Variants in CORIN observed in about 807,000 individuals in gnomAD.
CORIN encodes the protein corin, serine peptidase.
Under a neutral mutation model 125.3 loss-of-function variants are expected in CORIN, and 117 were observed. The observed-to-expected ratio is 0.93, with a 90% CI of 0.80 to 1.09. CORIN has a LOEUF of 1.09. Among genes scored for constraint, CORIN ranks in the 50% least tolerant of loss-of-function variants. The probability of loss-of-function intolerance (pLI) is 0.00; values close to 1 mark genes in which losing one functional copy is unlikely to be tolerated. For missense variants in CORIN, 1,253 were observed against 1,306.7 expected (o/e 0.96, Z 0.63); for synonymous variants, 450 against 466.4 (o/e 0.96, Z 0.45).
At chr4:47,771,723 T>C (rs918082028) in intron 3 of CORIN, among the ~76,000 whole-genome samples, 2 of 152,188 alleles carry the variant, frequency 1.3e-5, no homozygotes, top group Non-Finnish European at 2.9e-5. Context: ...CTTAACTAAC[T>C]GTAAACCAAA....
intron 4 of CORIN, among the ~76,000 whole-genome samples, chr4:47,762,418 ATAAG>A (rs1456585824): frequency 6.6e-6 from 1 of 152,248 alleles, no homozygotes; most frequent in Non-Finnish European, 1.5e-5. Context: ...TTATATGTGA[ATAAG>A]TAATACATGC....
chr4:47,629,856 T>A (rs1722736762), intron 16 of CORIN, among the ~76,000 whole-genome samples: 1 of 152,174 alleles, frequency 6.6e-6, no homozygotes, highest in African/African-American at 2.4e-5. Context: ...GACTTTATAA[T>A]TATTTCCCAT....
chr4:47,748,643 A>G (rs1728768080), intron 4 of CORIN, among the ~76,000 whole-genome samples: 1 of 152,140 alleles, frequency 6.6e-6, no homozygotes, highest in African/African-American at 2.4e-5. Flanking sequence ...TAGAGAATTT[A>G]TCTTCAAATA....
chr4:47,610,352 T>A (rs1444353542), intron 19 of CORIN, among the ~76,000 whole-genome samples: 2 of 152,210 alleles, frequency 1.3e-5, no homozygotes, highest in Admixed American at 1.3e-4. Context: ...TCTGTAATGA[T>A]CAGTGATGTT....
At chr4:47,786,201 C>T (rs1730795478) in intron 3 of CORIN, among the ~76,000 whole-genome samples, 1 of 152,118 alleles carries the variant, frequency 6.6e-6, no homozygotes, top group Admixed American at 6.5e-5. Flanking sequence ...CTTACTCAGT[C>T]CTACCTGAAC....
chr4:47,623,699 T>A lies in CORIN; in HGVS notation c.2412A>T (p.Gly804=). The A allele has an allele frequency of 6.2e-7, 1 of 1,614,196 alleles. No homozygotes were observed. The highest frequency in any genetic ancestry group is 8.5e-7 in the Non-Finnish European group (1 of 1,180,028). The change falls in exon 19 of 22, where the codon GGA becomes GGT. Residue 804 remains glycine, a synonymous_variant. Coordinates refer to ENST00000273857, the MANE Select transcript of CORIN (RefSeq NM_006587.4). ...ACCTTCCAGGGCGACTCGTCCGACC[T>A]CCAAGGATCCTTTTGTTCATTCGGG... ...PAARMNKRIL[G]GRTSRPGRWP...
chr4:47,600,350 GA>G lies in CORIN; in HGVS notation c.2813-4del, dbSNP rs772900157. 7.6e-5 allele frequency: 123 copies of G among 1,608,030 alleles called. No homozygotes were observed. The African/African-American group carries it at 1.3e-3, about 17-fold the overall frequency. ...TCCCTCTTGCAGCTTAAATGGCACT[GA>G]ATTTTTAAAAAATAAGAATATATAT... is the stretch of plus-strand genomic sequence containing the variant. On this transcript the variant is annotated splice_region_variant and splice_polypyrimidine_tract_variant and intron_variant, in intron 20 of 21. Coordinates refer to ENST00000273857, the MANE Select transcript of CORIN (RefSeq NM_006587.4).
chr4:47,667,949 AAGGGTAC>A (rs1457192949), intron 10 of CORIN, among the ~76,000 whole-genome samples: 1 of 152,114 alleles, frequency 6.6e-6, no homozygotes, highest in African/African-American at 2.4e-5. Flanking sequence ...ATTGAGTTAT[AAGGGTAC>A]AGCCCCCAAG....
chr4:47,766,224 T>C (rs3924200), intron 3 of CORIN, among the ~76,000 whole-genome samples: 8,688 of 152,260 alleles, frequency 0.057, 792 homozygotes, highest in African/African-American at 0.19. Context: ...TAACATTGCT[T>C]TAAGCAGAAC....
intron 1 of CORIN, among the ~76,000 whole-genome samples, chr4:47,831,012 C>T (rs533782271): frequency 1.3e-5 from 2 of 152,318 alleles, no homozygotes; most frequent in South Asian, 2.1e-4. Context: ...AAATGGTCTT[C>T]GCAACTCGCC....
In CORIN at chr4:47,623,599, C is replaced by T. The variant is rs746160285; in HGVS notation, c.2512G>A (p.Val838Ile). 3.1e-6 allele frequency: 5 copies of T among 1,614,168 alleles called. No homozygotes were observed. The South Asian group carries it at 5.5e-5, about 18-fold the overall frequency. ...TCGAAGCAGTGGGCAACTGTCAGAA[C>T]CCACTTCTTGGCAATGAGGACACAG... The part of the protein sequence containing the change: ...CGCVLIAKKW[V>I]LTVAHCFEGR... Residue 838 changes from valine to isoleucine, a missense_variant, in exon 19 of 22, where the codon GTT becomes ATT. Transcript: ENST00000273857.
Position 47,645,140 on chromosome 4 carries a change from T to C in CORIN, c.1898A>G (p.His633Arg), listed in dbSNP as rs1426614676. The change falls in exon 14 of 22, where the codon CAC (histidine) becomes CGC (arginine). Residue 633 changes from histidine (H) to arginine (R), a missense_variant. Coordinates refer to ENST00000273857, the MANE Select transcript of CORIN (RefSeq NM_006587.4). ...TGGGAACCCATCGCAGATCACTGTG[T>C]GCTTCAAACATTGTTTATTGGATGG... ...ECPSNKQCLK[H>R]TVICDGFPDC... 6.2e-7 allele frequency: 1 copy of C among 1,613,254 alleles called. No homozygotes were observed. The highest frequency in any genetic ancestry group is 1.1e-5 in the South Asian group (1 of 91,012).
chr4:47,612,958 T>C (rs981862012), intron 19 of CORIN, among the ~76,000 whole-genome samples: 3 of 152,254 alleles, frequency 2.0e-5, no homozygotes, highest in Non-Finnish European at 4.4e-5. Context: ...TTTAGTCACA[T>C]GCATATTCTA....
chr4:47,608,325 GA>G (rs1005928470), intron 19 of CORIN, among the ~76,000 whole-genome samples: 190 of 150,394 alleles, frequency 1.3e-3, no homozygotes, highest in East Asian at 4.3e-3. Flanking sequence ...CATCGCCAAA[GA>G]AAAAAAAAGA....
intron 16 of CORIN, among the ~76,000 whole-genome samples, chr4:47,628,208 AT>A (rs1722656000): frequency 6.6e-6 from 1 of 152,202 alleles, no homozygotes; most frequent in African/African-American, 2.4e-5. Flanking sequence ...CCAATGGCCC[AT>A]TTAAAAAAGT....
At chr4:47,711,283 A>T (rs993638032) in intron 5 of CORIN, among the ~76,000 whole-genome samples, 1 of 151,988 alleles carries the variant, frequency 6.6e-6, no homozygotes, top group East Asian at 1.9e-4. Context: ...ATCAGAATGC[A>T]CTCCCCGCGT....
At chr4:47,770,243 A>G (rs1206374962) in intron 3 of CORIN, among the ~76,000 whole-genome samples, 1 of 152,204 alleles carries the variant, frequency 6.6e-6, no homozygotes, top group Non-Finnish European at 1.5e-5. Context: ...GCCAACAGGT[A>G]TATGAAAAAA....
At chr4:47,824,806 A>T (rs571911800) in intron 1 of CORIN, among the ~76,000 whole-genome samples, 12 of 152,178 alleles carry the variant, frequency 7.9e-5, no homozygotes, top group Non-Finnish European at 1.5e-4. Context: ...TAAACTCTCA[A>T]GTTTGTCCTA....
intron 21 of CORIN, among the ~76,000 whole-genome samples, chr4:47,596,710 A>T (rs1176821151): frequency 1.3e-5 from 2 of 152,216 alleles, no homozygotes; most frequent in African/African-American, 4.8e-5. Context: ...AAATACGTGA[A>T]TTCATTGTGG....
Sources: allele counts gnomAD v4.1 joint callset (sites outside exome capture counted in the v4.1 genomes callset), GRCh38; gene constraint gnomAD v4.1.1; transcripts MANE v1.5; gene names NCBI Gene and HGNC (gene_info 2026-07-23, HGNC 2026-07-21).